FOXP2: variants seen among roughly 807,000 people sequenced by gnomAD.
FOXP2 encodes the protein forkhead box protein P2.
Under a neutral mutation model 115.8 loss-of-function variants are expected in FOXP2, and 12 were observed. The observed-to-expected ratio is 0.10, with a 90% CI of 0.07 to 0.17. The LOEUF (loss-of-function observed/expected upper bound fraction) is 0.17, where lower values mean the gene tolerates loss of function less well. FOXP2 is among the 10% of genes least tolerant of loss of function. The pLI is 1.00. For synonymous variants in FOXP2, 328 were observed against 297.7 expected (o/e 1.10, Z -1.05); for missense variants, 629 against 843.5 (o/e 0.75, Z 3.15).
rs564852662 is a variant in FOXP2, at chr7:114,164,152, G to A, written c.-102+1064G>A. Among the ~76,000 whole-genome samples, 12 of 152,174 alleles carry A rather than the reference G, an allele frequency of 7.9e-5. No homozygotes were observed. In the East Asian group the frequency reaches 2.3e-3, roughly 29 times the overall value. On this transcript the variant is annotated intron_variant, in intron 1 of 17. Transcript: ENST00000634411. ...TTCATGTTTAATCTTGTTACGTGGT[G>A]CATTCTGATAGAGCCACCTAAACAC...
At chr7:114,572,173 G>A (rs1801338310) in intron 3 of FOXP2, among the ~76,000 whole-genome samples, 1 of 151,544 alleles carries the variant, frequency 6.6e-6, no homozygotes, top group African/African-American at 2.4e-5. Context: ...AAAAATGTTA[G>A]TTGCAATACA....
At chr7:114,526,172 TAAAAAAAAAA>T (rs3028251) in intron 2 of FOXP2, among the ~76,000 whole-genome samples, 1 of 79,730 alleles carries the variant, frequency 1.3e-5, no homozygotes, top group Non-Finnish European at 2.2e-5. Flanking sequence ...GTTTCTTTAT[TAAAAAAAAAA>T]AAAAAAAAAA....
chr7:114,148,390 A>G (rs1400176188), intron 1 of FOXP2, among the ~76,000 whole-genome samples: 1 of 151,948 alleles, frequency 6.6e-6, no homozygotes, highest in African/African-American at 2.4e-5. Context: ...TCTTACTGGT[A>G]TTTTTCCAAC....
intron 2 of FOXP2, among the ~76,000 whole-genome samples, chr7:114,494,653 A>T (rs1023267890): frequency 1.3e-5 from 2 of 152,198 alleles, no homozygotes; most frequent in Non-Finnish European, 2.9e-5. Context: ...TTTAAAAACA[A>T]TGGAAGATGT....
At chr7:114,126,504 TTATCAACTAAAGC>T (rs985353936) in intron 1 of FOXP2, among the ~76,000 whole-genome samples, 12 of 152,184 alleles carry the variant, frequency 7.9e-5, no homozygotes, top group African/African-American at 2.4e-4. Context: ...GATGTTGGGT[TTATCAACTAAAGC>T]TATTTGCAGT....
At chr7:114,139,517 C>G (rs916867647) in intron 1 of FOXP2, among the ~76,000 whole-genome samples, 1 of 151,962 alleles carries the variant, frequency 6.6e-6, no homozygotes, top group Non-Finnish European at 1.5e-5. Context: ...CTTTTTTAGT[C>G]TTTAATAGTT....
At chr7:114,592,608 G>A (rs1409387616) in intron 3 of FOXP2, among the ~76,000 whole-genome samples, 1 of 151,716 alleles carries the variant, frequency 6.6e-6, no homozygotes, top group Non-Finnish European at 1.5e-5. Flanking sequence ...TTCTTCTCTA[G>A]ATTTACTTTC....
At chr7:114,380,920 C>T (rs1792274227) in intron 2 of FOXP2, among the ~76,000 whole-genome samples, 1 of 152,208 alleles carries the variant, frequency 6.6e-6, no homozygotes, top group South Asian at 2.1e-4. Flanking sequence ...ACTCCTAGAG[C>T]TATTCCTGTT....
intron 2 of FOXP2, among the ~76,000 whole-genome samples, chr7:114,306,062 T>A (rs754490524): frequency 6.6e-6 from 1 of 152,150 alleles, no homozygotes; most frequent in Non-Finnish European, 1.5e-5. Flanking sequence ...TCTGTGCTAC[T>A]CCTAATCTGT....
In FOXP2 at chr7:114,691,759, G is replaced by A. The variant is rs1457139509; in HGVS notation, c.*1833G>A. 2.2e-6 allele frequency: 1 copy of A among 453,726 alleles called. No homozygotes were observed. 28.1% of individuals were successfully genotyped at this position (453,726 alleles called of 1,614,324 possible). A position where few individuals can be genotyped will look rare whatever the true frequency, so the allele number is the denominator to read the frequency against. The stretch of plus-strand genomic sequence containing the variant: ...AGCTTAACATACGTTCCCGTTCCAT[G>A]TGATGGAACCGGTTCTTGCAAACTA... On this transcript the variant is annotated 3_prime_UTR_variant, in exon 17 of 17. Transcript: ENST00000350908.
At chr7:114,458,744 A>G (rs969180545) in intron 2 of FOXP2, among the ~76,000 whole-genome samples, 1 of 151,966 alleles carries the variant, frequency 6.6e-6, no homozygotes, top group East Asian at 1.9e-4. Context: ...TTATTTTTCC[A>G]CATTGCTTGA....
chr7:114,379,055 G>C (rs956400271), intron 2 of FOXP2, among the ~76,000 whole-genome samples: 1 of 151,922 alleles, frequency 6.6e-6, no homozygotes, highest in African/African-American at 2.4e-5. Context: ...CCTGTTATAG[G>C]CTTCTTATTT....
intron 1 of FOXP2, among the ~76,000 whole-genome samples, chr7:114,176,273 TTTC>T (rs1227572774): frequency 4.8e-5 from 2 of 41,752 alleles, no homozygotes; most frequent in Non-Finnish European, 1.3e-4. Context: ...CCTTTCTTTC[TTTC>T]TTTCTTTCTT....
intron 3 of FOXP2, among the ~76,000 whole-genome samples, chr7:114,566,796 T>G (rs1584903461): frequency 6.6e-6 from 1 of 152,038 alleles, no homozygotes; most frequent in African/African-American, 2.4e-5. Flanking sequence ...TGAGGATCCT[T>G]TCAACCAACC....
intron 2 of FOXP2, among the ~76,000 whole-genome samples, chr7:114,333,945 C>A (rs542068033): frequency 3.6e-4 from 54 of 151,080 alleles, no homozygotes; most frequent in Admixed American, 1.5e-3. Context: ...TTCTCTGTAG[C>A]TTCTTCTCCT....
intron 2 of FOXP2, among the ~76,000 whole-genome samples, chr7:114,299,782 A>G (rs1010901160): frequency 1.3e-5 from 2 of 152,038 alleles, no homozygotes; most frequent in African/African-American, 4.8e-5. Flanking sequence ...GGTTTAGGGA[A>G]GAGGATTGAG....
chr7:114,533,859 C>T (rs188269104), intron 2 of FOXP2, among the ~76,000 whole-genome samples: 24 of 151,952 alleles, frequency 1.6e-4, no homozygotes, highest in African/African-American at 5.8e-4. Flanking sequence ...ACTGTTCCTC[C>T]TCCAGTAAAT....
At chr7:114,588,008 T>C (rs1802232103) in intron 3 of FOXP2, among the ~76,000 whole-genome samples, 1 of 151,494 alleles carries the variant, frequency 6.6e-6, no homozygotes, top group South Asian at 2.1e-4. Flanking sequence ...TTGAATTAGA[T>C]GTTTTAAAAA....
At chr7:114,091,980 C>T (rs2129139187) in intron 1 of FOXP2, among the ~76,000 whole-genome samples, 1 of 152,036 alleles carries the variant, frequency 6.6e-6, no homozygotes, top group East Asian at 1.9e-4. Context: ...AACATACCTT[C>T]CCATTATATT....
Sources: allele counts gnomAD v4.1 joint callset (sites outside exome capture counted in the v4.1 genomes callset), GRCh38; gene constraint gnomAD v4.1.1; transcripts MANE v1.5; gene names NCBI Gene and HGNC (gene_info 2026-07-23, HGNC 2026-07-21).